Variants in PRELID2 observed in about 807,000 individuals in gnomAD.
PRELID2 encodes the protein PRELI domain containing 2.
In PRELID2, 25 loss-of-function variants were observed where a neutral mutation model predicts 28.4. The ratio of observed to expected loss-of-function variants is 0.88; its 90% CI spans 0.64 to 1.23. The LOEUF (loss-of-function observed/expected upper bound fraction) is 1.23. PRELID2 is among the 50% of genes most tolerant of loss of function. PRELID2 has a pLI of 0.00. For missense variants in PRELID2, 201 were observed against 214.4 expected, an observed-to-expected ratio of 0.94 and a Z score of 0.39; for synonymous variants, 76 against 71.6, an observed-to-expected ratio of 1.06 and a Z score of -0.31.
At chr5:145,752,237 G>A (rs980719712), downstream of PRELID2, among the ~76,000 whole-genome samples, 1 of 152,158 alleles carries the variant, frequency 6.6e-6, no homozygotes, top group Non-Finnish European at 1.5e-5. Flanking sequence ...TTTCCAAGAA[G>A]AAATGGTTCT....
At chr5:145,477,844 AAGG>A (rs962618190) in intron 1 of PRELID2, among the ~76,000 whole-genome samples, 1 of 152,006 alleles carries the variant, frequency 6.6e-6, no homozygotes, top group Non-Finnish European at 1.5e-5. Context: ...TAAGAAAGAG[AAGG>A]AGGAGGAGAA....
intron 1 of PRELID2, among the ~76,000 whole-genome samples, chr5:145,640,459 G>C (rs1162327999): frequency 1.4e-5 from 2 of 145,302 alleles, no homozygotes; most frequent in Non-Finnish European, 3.0e-5. Context: ...CTGGGCGACA[G>C]AGCGAGACTC....
At chr5:145,417,574 G>A in the PRELID2 span, among the ~76,000 whole-genome samples, 1 of 152,116 alleles carries the variant, frequency 6.6e-6, no homozygotes, top group Non-Finnish European at 1.5e-5. Context: ...TCATCCCCAG[G>A]ATGCAAGGTT....
intron 1 of PRELID2, among the ~76,000 whole-genome samples, chr5:145,653,095 G>A (rs1337083444): frequency 1.3e-5 from 2 of 152,304 alleles, no homozygotes; most frequent in African/African-American, 2.4e-5. Flanking sequence ...GGCAGGGGTT[G>A]CAATCCTAGT....
At chr5:145,634,296 TC>T (rs976992697) in intron 1 of PRELID2, among the ~76,000 whole-genome samples, 8 of 152,178 alleles carry the variant, frequency 5.3e-5, no homozygotes, top group African/African-American at 1.4e-4. Flanking sequence ...GCCTCTCCAC[TC>T]CCAAAGCAAA....
At chr5:145,606,620 T>C (rs938732683) in intron 1 of PRELID2, among the ~76,000 whole-genome samples, 12 of 152,292 alleles carry the variant, frequency 7.9e-5, no homozygotes, top group African/African-American at 2.6e-4. Context: ...AAAACCTACT[T>C]GATCATGGTG....
chr5:145,558,712 AAG>A (rs1389212771), intron 1 of PRELID2, among the ~76,000 whole-genome samples: 2 of 152,208 alleles, frequency 1.3e-5, no homozygotes, highest in Non-Finnish European at 2.9e-5. Flanking sequence ...TAAAAAACTG[AAG>A]AGTCTGAGGA....
At chr5:145,726,254 A>AGGGGAGGGAGGGG in intron 1 of PRELID2, among the ~76,000 whole-genome samples, 1 of 110,158 alleles carries the variant, frequency 9.1e-6, no homozygotes. Flanking sequence ...GGAGGGAGGG[A>AGGGGAGGGAGGGG]GGGACGGAGG....
At chr5:145,587,567 T>A (rs1231825749) in intron 1 of PRELID2, among the ~76,000 whole-genome samples, 1 of 152,178 alleles carries the variant, frequency 6.6e-6, no homozygotes, top group African/African-American at 2.4e-5. Context: ...CTAGTCCTAA[T>A]GATGTTTACA....
At chr5:145,695,020 T>G (rs1755229793) in intron 1 of PRELID2, among the ~76,000 whole-genome samples, 1 of 152,252 alleles carries the variant, frequency 6.6e-6, no homozygotes, top group Non-Finnish European at 1.5e-5. Flanking sequence ...CTCGGCTGGT[T>G]ACTACGGATT....
intron 4 of PRELID2, among the ~76,000 whole-genome samples, chr5:145,810,965 A>C (rs746015352): frequency 2.0e-5 from 3 of 151,778 alleles, no homozygotes; most frequent in Admixed American, 6.6e-5. Flanking sequence ...ATAAAGACAT[A>C]CCTGAGACTG....
chr5:145,454,369 C>A, the PRELID2 span, among the ~76,000 whole-genome samples: 1 of 152,128 alleles, frequency 6.6e-6, no homozygotes, highest in Admixed American at 6.5e-5. Context: ...AAAACTGGCA[C>A]AAGACAAGGA....
rs796844180 is a variant in PRELID2, at chr5:145,487,475, T to C, written n.71-14160A>G. ...AATACTGATGCGAGTAGTATCTTCC[T>C]CCAATAAAATCAGCATAGAATGTCA... On this transcript the variant is annotated intron_variant and non_coding_transcript_variant, in intron 1 of 2. Coordinates refer to the PRELID2 transcript ENST00000510259. Among the ~76,000 whole-genome samples, 85 of 152,268 alleles carry C rather than the reference T, an allele frequency of 5.6e-4. 2 individuals carry two copies. Among genetic ancestry groups the C allele is most frequent in the African/African-American group, 2.0e-3 (83 of 41,564 alleles).
chr5:145,740,010 G>A lies in PRELID2; in HGVS notation n.70+24921C>T, dbSNP rs1756610903. ...GTCAATAATTACATTAAATGTAAAT[G>A]GCCAAAATACACAAATTAAGTCATA... is the stretch of plus-strand genomic sequence containing the variant. On this transcript the variant is annotated intron_variant and non_coding_transcript_variant, in intron 1 of 2. Transcript: ENST00000510259. 6.6e-5 allele frequency among the ~76,000 whole-genome samples: 10 copies of A among 150,726 alleles called. No homozygotes were observed. The South Asian group carries it at 2.1e-3, about 32-fold the overall frequency.
the PRELID2 span, among the ~76,000 whole-genome samples, chr5:145,332,805 C>T: frequency 4.6e-5 from 7 of 152,076 alleles, no homozygotes; most frequent in South Asian, 2.1e-4. Flanking sequence ...AGTTTTGTTC[C>T]CTTGCTGGCA....
At chr5:145,809,274 T>C (rs1753769242) in intron 4 of PRELID2, among the ~76,000 whole-genome samples, 1 of 152,192 alleles carries the variant, frequency 6.6e-6, no homozygotes, top group African/African-American at 2.4e-5. Context: ...ACTCCTGGGC[T>C]CAAGCAATCT....
At chr5:145,321,659 T>C in the PRELID2 span, among the ~76,000 whole-genome samples, 1 of 152,210 alleles carries the variant, frequency 6.6e-6, no homozygotes, top group Non-Finnish European at 1.5e-5. Context: ...CGTTTGGATA[T>C]TGATTTAAAC....
At chr5:145,386,495 A>G in the PRELID2 span, among the ~76,000 whole-genome samples, 2 of 152,146 alleles carry the variant, frequency 1.3e-5, no homozygotes, top group Admixed American at 6.6e-5. Flanking sequence ...CTTGCCTGCC[A>G]TTATGTAAGA....
At chr5:145,291,952 C>A in the PRELID2 span, among the ~76,000 whole-genome samples, 1 of 152,108 alleles carries the variant, frequency 6.6e-6, no homozygotes, top group African/African-American at 2.4e-5. Context: ...TGGGTCTGAG[C>A]AACAAATTTT....
Sources: allele counts gnomAD v4.1 joint callset (sites outside exome capture counted in the v4.1 genomes callset), GRCh38; gene constraint gnomAD v4.1.1; transcripts MANE v1.5; gene names NCBI Gene and HGNC (gene_info 2026-07-23, HGNC 2026-07-21).